The following PCDH11X variants were observed in gnomAD, a reference collection of about 807,000 sequenced individuals.
PCDH11X encodes protocadherin-11 X-linked.
Under a neutral mutation model 53.3 loss-of-function variants are expected in PCDH11X, and 18 were observed. The ratio of observed to expected loss-of-function variants is 0.34; its 90% CI spans 0.23 to 0.50. The LOEUF (loss-of-function observed/expected upper bound fraction) is 0.50, where lower values mean the gene tolerates loss of function less well. PCDH11X is among the 20% of genes least tolerant of loss of function. The probability of loss-of-function intolerance (pLI) is 0.98; values close to 1 mark genes in which losing one functional copy is unlikely to be tolerated. For missense variants in PCDH11X, 570 were observed against 1,032.4 expected (o/e 0.55, Z 6.14); for synonymous variants, 279 against 393.3 (o/e 0.71, Z 3.44).
At chrX:92,548,313 G>A (rs7886367) in intron 10 of PCDH11X, among the ~76,000 whole-genome samples, 8,228 of 109,833 alleles carry the variant, frequency 0.075, 306 homozygotes, top group African/African-American at 0.14. Flanking sequence ...TGGGACTACC[G>A]GCAGGCACCA....
At chrX:91,843,438 T>C (rs1010750478) in intron 5 of PCDH11X, among the ~76,000 whole-genome samples, 1 of 105,630 alleles carries the variant, frequency 9.5e-6, no homozygotes, top group African/African-American at 3.5e-5. Flanking sequence ...GCCTCCCGAG[T>C]AGCTGGGACT....
At chrX:91,946,595 A>ATATG (rs1472604548) in intron 6 of PCDH11X, among the ~76,000 whole-genome samples, 5 of 90,128 alleles carry the variant, frequency 5.5e-5, no homozygotes, top group African/African-American at 1.6e-4. Context: ...ATATATATAT[A>ATATG]TATAGCTATT....
At chrX:92,509,502 G>T (rs774947102) in intron 10 of PCDH11X, among the ~76,000 whole-genome samples, 1 of 111,604 alleles carries the variant, frequency 9.0e-6, no homozygotes, top group Non-Finnish European at 1.9e-5. Flanking sequence ...TCTGCAAAAT[G>T]ATTTCTGTTT....
At chrX:92,051,081 A>G (rs963809620) in intron 6 of PCDH11X, among the ~76,000 whole-genome samples, 1 of 112,144 alleles carries the variant, frequency 8.9e-6, no homozygotes, top group African/African-American at 3.2e-5. Context: ...TACAGGATTG[A>G]TAGATTTAGG....
At chrX:92,139,945 T>A (rs1276030056) in intron 6 of PCDH11X, among the ~76,000 whole-genome samples, 1 of 109,513 alleles carries the variant, frequency 9.1e-6, no homozygotes, top group African/African-American at 3.3e-5. Flanking sequence ...TAAGAAAGGA[T>A]TAAAATTACC....
intron 6 of PCDH11X, among the ~76,000 whole-genome samples, chrX:91,993,221 G>T (rs1474333504): frequency 1.8e-5 from 2 of 112,534 alleles, no homozygotes; most frequent in African/African-American, 6.4e-5. Context: ...AACACACCAA[G>T]GTGAAATTTG....
At chrX:92,001,134 G>GT (rs2062502157) in intron 6 of PCDH11X, among the ~76,000 whole-genome samples, 1 of 110,271 alleles carries the variant, frequency 9.1e-6, no homozygotes, top group African/African-American at 3.3e-5. Flanking sequence ...ACAATTTTTA[G>GT]TTTTTTGAGG....
chrX:91,874,156 A>G (rs1939471565), intron 5 of PCDH11X, among the ~76,000 whole-genome samples: 1 of 111,091 alleles, frequency 9.0e-6, no homozygotes, highest in African/African-American at 3.3e-5. Context: ...CCATAAATAG[A>G]CATTTTGGAT....
chrX:91,852,907 A>G (rs1240607737), intron 5 of PCDH11X, among the ~76,000 whole-genome samples: 2 of 102,378 alleles, frequency 2.0e-5, no homozygotes, highest in Non-Finnish European at 4.0e-5. Flanking sequence ...TGTATTTTAT[A>G]GAAAGATTTT....
At chrX:92,037,863 A>G (rs2063150478) in intron 6 of PCDH11X, among the ~76,000 whole-genome samples, 1 of 102,019 alleles carries the variant, frequency 9.8e-6, no homozygotes, top group African/African-American at 3.6e-5. Flanking sequence ...GTGTCTGTTC[A>G]TATCATTTGC....
In PCDH11X at chrX:92,463,616, G is replaced by A. The variant is rs181354344; in HGVS notation, c.3344-4683G>A. Among the ~76,000 whole-genome samples the A allele has an allele frequency of 3.3e-3, 367 of 111,108 alleles. 2 individuals are homozygous for A. Among genetic ancestry groups the A allele is most frequent in the African/African-American group, 0.011 (347 of 30,567 alleles). ...ATGTGTATATTGAGGATGCTGAATCGGATGACTGTCTAAGGGCTCTGGTCC... is the reference window on the plus strand; with the variant it reads ...ATGTGTATATTGAGGATGCTGAATCAGATGACTGTCTAAGGGCTCTGGTCC... On this transcript the variant is annotated intron_variant, in intron 9 of 10. Transcript: ENST00000682573.
chrX:92,243,919 C>T (rs2067304368), intron 7 of PCDH11X, among the ~76,000 whole-genome samples: 2 of 111,366 alleles, frequency 1.8e-5, no homozygotes, highest in African/African-American at 6.5e-5. Context: ...TTCCTGTAAT[C>T]ACTTAATAAT....
At chrX:91,824,266 G>A (rs1936816599) in intron 4 of PCDH11X, among the ~76,000 whole-genome samples, 1 of 111,141 alleles carries the variant, frequency 9.0e-6, no homozygotes, top group Non-Finnish European at 1.9e-5. Flanking sequence ...ATCCTGCAGA[G>A]TGTTTTCCAA....
chrX:92,126,168 CGT>C (rs2064857996), intron 6 of PCDH11X, among the ~76,000 whole-genome samples: 1 of 110,446 alleles, frequency 9.1e-6, no homozygotes, highest in Non-Finnish European at 1.9e-5. Flanking sequence ...TTATAAACTG[CGT>C]TTTCTGATTA....
intron 8 of PCDH11X, among the ~76,000 whole-genome samples, chrX:92,322,378 CA>C (rs1378682678): frequency 2.7e-5 from 3 of 110,669 alleles, no homozygotes; most frequent in Non-Finnish European, 5.7e-5. Flanking sequence ...TTATTTTATA[CA>C]ATTCAAAATA....
intron 6 of PCDH11X, among the ~76,000 whole-genome samples, chrX:91,924,666 A>G (rs1205493300): frequency 4.5e-5 from 5 of 111,644 alleles, no homozygotes; most frequent in African/African-American, 1.3e-4. Context: ...CCTTGCATCT[A>G]TCTAGAATCT....
At chrX:92,279,370 T>G (rs1005354731) in intron 8 of PCDH11X, among the ~76,000 whole-genome samples, 5 of 112,434 alleles carry the variant, frequency 4.4e-5, no homozygotes, top group Admixed American at 1.9e-4. Flanking sequence ...GTTACCCTCT[T>G]TATTTATTTC....
At chrX:91,993,006 A>C (rs1569296804) in intron 6 of PCDH11X, among the ~76,000 whole-genome samples, 1 of 111,506 alleles carries the variant, frequency 9.0e-6, no homozygotes, top group Non-Finnish European at 1.9e-5. Flanking sequence ...CCAACATTTA[A>C]TGAGCACTTA....
intron 9 of PCDH11X, among the ~76,000 whole-genome samples, chrX:92,405,816 C>T (rs1463758284): frequency 7.2e-5 from 8 of 111,007 alleles, no homozygotes; most frequent in Non-Finnish European, 1.3e-4. Context: ...TTTTCTAGGC[C>T]GGGCGCAGTG....
Sources: gnomAD v4.1 joint callset for allele counts (sites outside exome capture counted in the v4.1 genomes callset) on GRCh38, gnomAD v4.1.1 for gene constraint, MANE v1.5 for transcripts, NCBI Gene and HGNC (gene_info 2026-07-23, HGNC 2026-07-21) for gene names.